PARP14: variants seen among roughly 807,000 people sequenced by gnomAD.
The protein encoded by PARP14 is protein mono-ADP-ribosyltransferase PARP14.
Under a neutral mutation model 154.2 loss-of-function variants are expected in PARP14, and 59 were observed. The ratio of observed to expected loss-of-function variants is 0.38; its 90% CI spans 0.31 to 0.48. The LOEUF is 0.48. Among genes scored for constraint, PARP14 ranks in the 20% least tolerant of loss-of-function variants. The pLI, the probability that PARP14 is intolerant of heterozygous loss-of-function variation, is 0.98. For synonymous variants in PARP14, 720 were observed against 780.5 expected (o/e 0.92, Z 1.29); for missense variants, 1,734 against 2,131.6 (o/e 0.81, Z 3.67).
At chr3:122,715,164 G>A (rs143801917) in intron 12 of PARP14, among the ~76,000 whole-genome samples, 1,694 of 152,096 alleles carry the variant, frequency 0.011, 27 homozygotes, top group Non-Finnish European at 0.012. Context: ...TTGCACAGGT[G>A]TTCTTTGAGC....
chr3:122,728,434 A>G lies in PARP14; in HGVS notation c.5243A>G (p.Tyr1748Cys). The change falls in exon 17 of 17, where the codon TAT (tyrosine) becomes TGT (cysteine). Residue 1748 changes from tyrosine to cysteine, a missense_variant. Around this residue, in one of 2 missense-constraint regions of PARP14, gnomAD observed 88 missense variants for 155.6 expected, o/e 0.57. Transcript: ENST00000474629. Reference protein sequence around the residue: ...VYYVRVLTGIYTHGNHSLIVP... With the variant: ...VYYVRVLTGICTHGNHSLIVP... Reference sequence around the variant, plus strand: ...TATGTGCGAGTACTTACTGGAATCTATACACATGGAAATCATTCATTAATT... The same window carrying G: ...TATGTGCGAGTACTTACTGGAATCTGTACACATGGAAATCATTCATTAATT... 2 of 1,613,954 alleles carry G rather than the reference A, an allele frequency of 1.2e-6. No homozygotes were observed. Among genetic ancestry groups the G allele is most frequent in the Non-Finnish European group, 1.7e-6 (2 of 1,179,840 alleles).
chr3:122,700,518 A>G lies in PARP14; in HGVS notation c.1964A>G (p.Asn655Ser). The G allele has an allele frequency of 6.2e-7, 1 of 1,604,880 alleles. No homozygotes were observed. The highest frequency in any genetic ancestry group is 8.5e-7 in the Non-Finnish European group (1 of 1,174,988). ...VIITGCVKEV[N>S]ETYKLLFNFV... ...ATTACAGGCTGTGTAAAAGAAGTAA[A>G]TGAAACCTATAAATTGCTTTTTAAC... is the stretch of plus-strand genomic sequence containing the variant. The change falls in exon 6 of 17, where the codon AAT becomes AGT. Residue 655 changes from asparagine to serine, a missense_variant. Coordinates refer to ENST00000474629, the MANE Select transcript of PARP14 (RefSeq NM_017554.3).
Position 122,718,730 on chromosome 3 carries a change from C to T in PARP14, c.4579C>T (p.Arg1527Trp), listed in dbSNP as rs368974167. 3.3e-5 allele frequency: 54 copies of T among 1,613,046 alleles called. No individual in the cohort carries two copies. Among genetic ancestry groups the T allele is most frequent in the Admixed American group, 5.0e-5 (3 of 59,888 alleles). The change falls in exon 14 of 17, where the codon CGG becomes TGG. Residue 1527 changes from arginine to tryptophan, a missense_variant. This residue lies in a region of PARP14 where 1,646 missense variants were observed against 1,976.0 expected (regional missense o/e 0.83). Transcript: ENST00000474629. ...RVRLAKEQES[R>W]ADCISEFIEW... Reference sequence around the variant, plus strand: ...TCGATTGGCCAAAGAACAGGAATCCCGGGCAGATTGTATCAGTGAGTTTAT... The same window carrying T: ...TCGATTGGCCAAAGAACAGGAATCCTGGGCAGATTGTATCAGTGAGTTTAT...
chr3:122,713,668 T>A, intron 10 of PARP14, 95 bp downstream of exon 10: 1 of 1,142,392 alleles, frequency 8.8e-7, no homozygotes, highest in Non-Finnish European at 1.3e-6. Context: ...TTTGGCTTGT[T>A]AATTAATAAC....
rs972972374 is a variant in PARP14, at chr3:122,681,669, T to C, written c.187+599T>C. 6.6e-6 allele frequency among the ~76,000 whole-genome samples: 1 copy of C among 152,164 alleles called. No homozygotes were observed. The highest frequency in any genetic ancestry group is 1.5e-5 in the Non-Finnish European group (1 of 68,020). ...CCATTGTCGAGGGCCTGCCGGGGCC[T>C]CTTCTCCGAGTCTCTAGTGGCCCTC... On this transcript the variant is annotated intron_variant, in intron 1 of 16. Transcript: ENST00000474629. This position sits in a 1 kb window ranked among gnomAD's most constrained non-coding sequence, Gnocchi z 5.5.
At chr3:122,725,352 G>A (rs1933262105) in intron 15 of PARP14, among the ~76,000 whole-genome samples, 1 of 151,088 alleles carries the variant, frequency 6.6e-6, no homozygotes, top group Non-Finnish European at 1.5e-5. Flanking sequence ...CCGGGCAGAG[G>A]TGCTCCCCAC....
Position 122,699,940 on chromosome 3 carries a change from G to A in PARP14, c.1386G>A (p.Arg462=), listed in dbSNP as rs951808522. Residue 462 remains arginine, a synonymous_variant, in exon 6 of 17, where the codon AGG becomes AGA. Coordinates refer to ENST00000474629, the MANE Select transcript of PARP14 (RefSeq NM_017554.3). ...LIESTTQKIK[R]EEQSLKEKMI... Reference sequence around the variant, plus strand: ...AAAGCACTACTCAAAAAATTAAAAGGGAAGAGCAAAGTTTGAAGGAAAAAA... The same window carrying A: ...AAAGCACTACTCAAAAAATTAAAAGAGAAGAGCAAAGTTTGAAGGAAAAAA... 5 of 1,613,924 alleles carry A rather than the reference G, an allele frequency of 3.1e-6. No individual in the cohort carries two copies. Among genetic ancestry groups the A allele is most frequent in the Non-Finnish European group, 4.2e-6 (5 of 1,179,852 alleles).
chr3:122,713,723 T>C, intron 10 of PARP14, 149 bp from the exon 11 acceptor site: 1 of 867,902 alleles, frequency 1.2e-6, no homozygotes, highest in Non-Finnish European at 1.8e-6. Flanking sequence ...ATAATGTTTA[T>C]TTTATGAAGT....
chr3:122,719,754 C>CTATG (rs1933111010), intron 14 of PARP14, among the ~76,000 whole-genome samples: 1 of 152,196 alleles, frequency 6.6e-6, no homozygotes, highest in Non-Finnish European at 1.5e-5. Context: ...ATAGCAAAAT[C>CTATG]TGCCACCTAA....
In PARP14 at chr3:122,728,683, CTT is replaced by C. The variant is rs762238883; in HGVS notation, c.*87_*88del. The C allele has an allele frequency of 4.7e-4, 492 of 1,039,892 alleles. 2 individuals carry two copies. Among genetic ancestry groups the C allele is most frequent in the Middle Eastern group, 2.8e-3 (13 of 4,654 alleles). The allele number at this position is 1,039,892 out of a possible 1,614,324, so 64.4% of individuals were successfully genotyped here. The stretch of plus-strand genomic sequence containing the variant: ...GTTTTAGCTTTTTTTTTTAATTCCT[CTT>C]AACAGATTTTTCTAATATCCAAGGA... On this transcript the variant is annotated 3_prime_UTR_variant, in exon 17 of 17. Coordinates refer to ENST00000474629, the MANE Select transcript of PARP14 (RefSeq NM_017554.3).
Position 122,713,582 on chromosome 3 carries a change from A to G in PARP14, c.3769+9A>G, listed in dbSNP as rs952247570. On this transcript the variant is annotated intron_variant, in intron 10 of 16. Coordinates refer to ENST00000474629, the MANE Select transcript of PARP14 (RefSeq NM_017554.3). ...ATTCAATCTCAAAGCAGGTACTTGT[A>G]CAATTTTGATGAGTGCAATAGTTAA... 1.5e-5 allele frequency: 24 copies of G among 1,612,550 alleles called. No individual in the cohort carries two copies. Among genetic ancestry groups the G allele is most frequent in the Non-Finnish European group, 2.0e-5 (24 of 1,178,742 alleles).
chr3:122,703,323 G>C (rs1006468789), intron 6 of PARP14, among the ~76,000 whole-genome samples: 14 of 152,110 alleles, frequency 9.2e-5, no homozygotes, highest in African/African-American at 3.4e-4. Flanking sequence ...TTTCTAGCCT[G>C]GAGCATACCA....
chr3:122,680,921 G>T lies in PARP14; in HGVS notation c.38G>T (p.Gly13Val). 6.2e-7 allele frequency: 1 copy of T among 1,612,022 alleles called. No individual in the cohort carries two copies. The highest frequency in any genetic ancestry group is 1.7e-5 in the Admixed American group (1 of 59,828). Residue 13 changes from glycine to valine, a missense_variant, in exon 1 of 17, where the codon GGC becomes GTC. Around this residue, in one of 2 missense-constraint regions of PARP14, gnomAD observed 1,646 missense variants for 1,976.0 expected, o/e 0.83. Coordinates refer to ENST00000474629, the MANE Select transcript of PARP14 (RefSeq NM_017554.3). Reference sequence around the variant, plus strand: ...GGCTCCTTCCCGCTGCTGGTCGAGGGCTCCTGGGGCCCCGACCCCCCGAAG... The same window carrying T: ...GGCTCCTTCCCGCTGCTGGTCGAGGTCTCCTGGGGCCCCGACCCCCCGAAG... ...VPGSFPLLVE[G>V]SWGPDPPKNL... is the part of the protein sequence containing the mutation.
chr3:122,689,410 ATCCT>A (rs1190472877), intron 3 of PARP14, among the ~76,000 whole-genome samples: 1 of 152,112 alleles, frequency 6.6e-6, no homozygotes, highest in Non-Finnish European at 1.5e-5. Context: ...GGCTCAAGCA[ATCCT>A]CCCACAGCAG....
At chr3:122,686,155 T>C (rs996699172) in intron 2 of PARP14, among the ~76,000 whole-genome samples, 4 of 152,220 alleles carry the variant, frequency 2.6e-5, no homozygotes, top group African/African-American at 7.2e-5. Flanking sequence ...GTATTTGTTT[T>C]ATTTATTTCT....
chr3:122,702,243 G>T (rs1444039376), intron 6 of PARP14, among the ~76,000 whole-genome samples: 1 of 152,098 alleles, frequency 6.6e-6, no homozygotes, highest in Non-Finnish European at 1.5e-5. Flanking sequence ...TTGAGGCAGG[G>T]TCTCTCTCTG....
chr3:122,709,973 G>A (rs372121779), intron 9 of PARP14, among the ~76,000 whole-genome samples: 6 of 150,638 alleles, frequency 4.0e-5, no homozygotes, highest in South Asian at 2.1e-4. Flanking sequence ...GTCCTTTGTC[G>A]GATGCATAGT....
Position 122,728,292 on chromosome 3 carries a change from G to T in PARP14, c.5117-16G>T, listed in dbSNP as rs766087792. Reference sequence around the variant, plus strand: ...CATTAACTTGAAATGCTTAAAAATGGTTTTTCTTTTCACAGCTGTGGCATA... The same window carrying T: ...CATTAACTTGAAATGCTTAAAAATGTTTTTTCTTTTCACAGCTGTGGCATA... On this transcript the variant is annotated splice_polypyrimidine_tract_variant and intron_variant, in intron 16 of 16. Coordinates refer to ENST00000474629, the MANE Select transcript of PARP14 (RefSeq NM_017554.3). 4.5e-5 allele frequency: 72 copies of T among 1,602,020 alleles called. No individual in the cohort carries two copies. The highest frequency in any genetic ancestry group is 6.0e-5 in the Non-Finnish European group (70 of 1,170,524).
At chr3:122,712,204 A>C (rs913261440) in intron 9 of PARP14, among the ~76,000 whole-genome samples, 4 of 151,674 alleles carry the variant, frequency 2.6e-5, no homozygotes, top group African/African-American at 9.7e-5. Context: ...GATGCTTTAA[A>C]GTCTTCTATA....
Sources: gnomAD v4.1 joint callset for allele counts (sites outside exome capture counted in the v4.1 genomes callset) on GRCh38, gnomAD v4.1.1 for gene constraint, gnomAD v4.1.1 regional missense constraint, Gnocchi (gnomAD v3.1) non-coding constraint, MANE v1.5 for transcripts, NCBI Gene and HGNC (gene_info 2026-07-23, HGNC 2026-07-21) for gene names.